Variants in LYPLA1 observed in about 807,000 individuals in gnomAD.
LYPLA1 encodes acyl-protein thioesterase 1.
Under a neutral mutation model 34.0 loss-of-function variants are expected in LYPLA1, and 17 were observed. The observed-to-expected ratio is 0.50, with a 90% CI of 0.34 to 0.75. LYPLA1 has a LOEUF of 0.75. LYPLA1 is among the 30% of genes least tolerant of loss of function. The probability of loss-of-function intolerance (pLI) is 0.01; values close to 1 mark genes in which losing one functional copy is unlikely to be tolerated. For missense variants in LYPLA1, 203 were observed against 288.8 expected, an observed-to-expected ratio of 0.70 and a Z score of 2.15; for synonymous variants, 98 against 100.8, an observed-to-expected ratio of 0.97 and a Z score of 0.17.
intron 1 of LYPLA1, 62 bp from the exon 2 acceptor site, chr8:54,101,001 C>T: frequency 1.5e-6 from 2 of 1,356,848 alleles, no homozygotes; most frequent in South Asian, 2.4e-5. Context: ...GATTGTTACA[C>T]ACTAGCTTTG....
chr8:54,043,780 C>T (rs11994853), downstream of LYPLA1, among the ~76,000 whole-genome samples: 5 of 152,022 alleles, frequency 3.3e-5, no homozygotes, highest in Admixed American at 6.5e-5. Flanking sequence ...AGGCTGGTCT[C>T]GAACTCCTGA....
chr8:54,086,487 G>A (rs1019434928), intron 2 of LYPLA1, among the ~76,000 whole-genome samples: 5 of 47,270 alleles, frequency 1.1e-4, no homozygotes, highest in African/African-American at 2.0e-4. Flanking sequence ...CATCCCCCCC[G>A]CCCAAAAAAA....
intron 2 of LYPLA1, 135 bp downstream of exon 2, chr8:54,100,773 C>G: frequency 2.9e-6 from 2 of 698,206 alleles, no homozygotes; most frequent in South Asian, 3.4e-5. Flanking sequence ...ATAAAATCAC[C>G]GCACTGTAAG....
At chr8:54,049,575 A>G (rs1382205458) in intron 8 of LYPLA1, among the ~76,000 whole-genome samples, 1 of 152,114 alleles carries the variant, frequency 6.6e-6, no homozygotes, top group Non-Finnish European at 1.5e-5. Context: ...GTCCTCTTCT[A>G]TCTTGATTGA....
intron 2 of LYPLA1, among the ~76,000 whole-genome samples, chr8:54,080,162 G>C (rs1808207355): frequency 6.6e-6 from 1 of 152,104 alleles, no homozygotes; most frequent in African/African-American, 2.4e-5. Context: ...GAGGTGGGTG[G>C]ATCACTTGAC....
At position 54,069,055 on chromosome 8, in the gene LYPLA1, G is replaced by A. The variant is rs568127516; in HGVS notation, c.102-3242C>T. On this transcript the variant is annotated intron_variant, in intron 2 of 8. Coordinates refer to ENST00000316963, the MANE Select transcript of LYPLA1 (RefSeq NM_006330.4). ...ATATACAAATGGCCAAAAAGCACAG[G>A]AAAAGATGCTGAACATCATTAGTCA... is the stretch of plus-strand genomic sequence containing the variant. 5.3e-5 allele frequency among the ~76,000 whole-genome samples: 8 copies of A among 152,236 alleles called. No individual in the cohort carries two copies. The South Asian group carries it at 1.5e-3, about 28-fold the overall frequency.
intron 2 of LYPLA1, among the ~76,000 whole-genome samples, chr8:54,094,586 T>C (rs1049969899): frequency 6.6e-6 from 1 of 152,238 alleles, no homozygotes; most frequent in African/African-American, 2.4e-5. Flanking sequence ...TGTGTACATA[T>C]GTATGTATGT....
At chr8:54,081,511 G>A (rs777728345) in intron 2 of LYPLA1, among the ~76,000 whole-genome samples, 2 of 151,692 alleles carry the variant, frequency 1.3e-5, no homozygotes, top group African/African-American at 4.8e-5. Context: ...AGTGCAGCCT[G>A]TAATCTCTTC....
intron 2 of LYPLA1, among the ~76,000 whole-genome samples, chr8:54,079,800 GAAAT>G (rs569962405): frequency 2.6e-5 from 4 of 151,426 alleles, no homozygotes; most frequent in South Asian, 4.2e-4. Flanking sequence ...GTTTCCCCCT[GAAAT>G]AAATAAATAA....
chr8:54,051,289 T>C, intron 7 of LYPLA1, 101 bp from the exon 8 acceptor site: 1 of 1,027,974 alleles, frequency 9.7e-7, no homozygotes, highest in African/African-American at 1.6e-5. Flanking sequence ...ATATAACATA[T>C]TAGAAGTTAC....
chr8:54,086,112 A>T (rs1808745116), intron 2 of LYPLA1, among the ~76,000 whole-genome samples: 1 of 152,136 alleles, frequency 6.6e-6, no homozygotes, highest in Non-Finnish European at 1.5e-5. Context: ...GGATGCTGTT[A>T]ATCTATAACC....
intron 5 of LYPLA1, among the ~76,000 whole-genome samples, chr8:54,058,401 G>A (rs377658356): frequency 2.0e-5 from 3 of 152,018 alleles, no homozygotes; most frequent in African/African-American, 4.8e-5. Flanking sequence ...AAACGTAGCC[G>A]GGCATGGTGG....
chr8:54,072,958 A>G (rs2129342344), intron 2 of LYPLA1, among the ~76,000 whole-genome samples: 1 of 151,578 alleles, frequency 6.6e-6, no homozygotes, highest in East Asian at 1.9e-4. Flanking sequence ...AAAAAGACAT[A>G]CATGTGGCCA....
At chr8:54,088,910 T>A (rs1471683001) in intron 2 of LYPLA1, among the ~76,000 whole-genome samples, 1 of 152,204 alleles carries the variant, frequency 6.6e-6, no homozygotes, top group Non-Finnish European at 1.5e-5. Context: ...AAAGCAGTAC[T>A]GGTACATGTT....
In LYPLA1 at chr8:54,063,389, A is replaced by C. The variant is rs779739105; in HGVS notation, c.168-14T>G. 3 of 1,499,598 alleles carry C rather than the reference A, an allele frequency of 2.0e-6. No individual in the cohort carries two copies. Among genetic ancestry groups the C allele is most frequent in the Non-Finnish European group, 2.7e-6 (3 of 1,110,318 alleles). The allele number at this position is 1,499,598 out of a possible 1,614,324, so 92.9% of individuals were successfully genotyped here. On this transcript the variant is annotated splice_polypyrimidine_tract_variant and intron_variant, in intron 3 of 8. Coordinates refer to ENST00000316963, the MANE Select transcript of LYPLA1 (RefSeq NM_006330.4). ...GGCCTAACAGGCCTACATGGAAAAGAAAAAACAACAAAATCAGAATAACAA... is the reference window on the plus strand; with the variant it reads ...GGCCTAACAGGCCTACATGGAAAAGCAAAAACAACAAAATCAGAATAACAA...
At chr8:54,101,388 G>A in intron 1 of LYPLA1, 3 of 1,053,892 alleles carry the variant, frequency 2.8e-6, no homozygotes, top group African/African-American at 1.7e-5. Flanking sequence ...TTTCATTGAG[G>A]ATAAGAGTGC....
At chr8:54,095,816 C>T (rs893903278) in intron 2 of LYPLA1, among the ~76,000 whole-genome samples, 1 of 151,112 alleles carries the variant, frequency 6.6e-6, no homozygotes, top group African/African-American at 2.4e-5. Context: ...AACAGCTGGG[C>T]TCAAGCGATT....
At chr8:54,062,136 G>A (rs1255771249) in intron 5 of LYPLA1, 118 bp downstream of exon 5, 45 of 677,300 alleles carry the variant, frequency 6.6e-5, no homozygotes, top group Non-Finnish European at 1.2e-5. Context: ...GGGATTACAG[G>A]CGTGAGCCAC....
At chr8:54,060,954 C>A (rs937575102) in intron 5 of LYPLA1, among the ~76,000 whole-genome samples, 1 of 152,070 alleles carries the variant, frequency 6.6e-6, no homozygotes, top group South Asian at 2.1e-4. Flanking sequence ...CTCGGCCTCT[C>A]AAAGTGCTGG....
Sources: allele counts gnomAD v4.1 joint callset (sites outside exome capture counted in the v4.1 genomes callset), GRCh38; gene constraint gnomAD v4.1.1; transcripts MANE v1.5; gene names NCBI Gene and HGNC (gene_info 2026-07-23, HGNC 2026-07-21).